The following CCDC33 variants were observed in gnomAD, a reference collection of about 807,000 sequenced individuals.
CCDC33 encodes coiled-coil domain-containing protein 33.
CCDC33 carries 94 observed loss-of-function variants against 91.9 expected under a neutral mutation model. The observed-to-expected ratio is 1.02, with a 90% CI of 0.87 to 1.21. The LOEUF is 1.21. CCDC33 is among the 50% of genes most tolerant of loss of function. The pLI is 0.00. For synonymous variants in CCDC33, 396 were observed against 374.5 expected (o/e 1.06, Z -0.66); for missense variants, 940 against 935.5 (o/e 1.00, Z -0.06).
chr15:74,204,267 A>G (rs984602664), intron 1 of CCDC33, among the ~76,000 whole-genome samples: 2 of 152,164 alleles, frequency 1.3e-5, no homozygotes, highest in African/African-American at 2.4e-5. Context: ...GCGGGACTCT[A>G]TCCCTCCCAC....
intron 1 of CCDC33, among the ~76,000 whole-genome samples, chr15:74,203,436 G>A (rs2074173626): frequency 6.6e-6 from 1 of 152,204 alleles, no homozygotes; most frequent in South Asian, 2.1e-4. Flanking sequence ...CAGCCTGGAG[G>A]AAGGGGCGAG....
At position 74,226,496 on chromosome 15, in the gene CCDC33, A is replaced by G. The variant is rs193125793; in HGVS notation, c.675+7635A>G. On this transcript the variant is annotated intron_variant, in intron 2 of 2. Transcript: ENST00000635913. ...AGGGAGACAGTTGCACCCTGCCTCT[A>G]TGGTGGGGTGGGATTCCAGCAGAGA... Among the ~76,000 whole-genome samples the G allele has an allele frequency of 5.9e-5, 9 of 152,226 alleles. No homozygotes were observed. The East Asian group carries it at 1.3e-3, about 23-fold the overall frequency.
chr15:74,322,248 GA>G (rs1437815988), intron 11 of CCDC33, among the ~76,000 whole-genome samples: 3 of 152,182 alleles, frequency 2.0e-5, no homozygotes. Context: ...TGTGGGTCAG[GA>G]ACTCAGCCAC....
chr15:74,225,239 G>C (rs1043839274), intron 2 of CCDC33, among the ~76,000 whole-genome samples: 2 of 151,970 alleles, frequency 1.3e-5, no homozygotes, highest in Admixed American at 6.6e-5. Flanking sequence ...CCCAGCCCCA[G>C]TGAGCAGCTG....
In CCDC33 at chr15:74,218,935, G is replaced by C; in HGVS notation, c.675+74G>C. The C allele has an allele frequency of 1.7e-6, 2 of 1,187,636 alleles. No individual in the cohort carries two copies. Among genetic ancestry groups the C allele is most frequent in the Non-Finnish European group, 2.1e-6 (2 of 938,930 alleles). The allele number at this position is 1,187,636 out of a possible 1,614,324, so 73.6% of individuals were successfully genotyped here. A position where few individuals can be genotyped will look rare whatever the true frequency, so the allele number is the denominator to read the frequency against. On this transcript the variant is annotated intron_variant, in intron 2 of 2. Coordinates refer to the CCDC33 transcript ENST00000635913. This position sits in a 1 kb window ranked among gnomAD's most constrained non-coding sequence, Gnocchi z 4.8. The stretch of plus-strand genomic sequence containing the variant: ...AGACCCAGCCTCCGTGATAAGCCAG[G>C]CTACCCCCTGTCCTGAGCTGAGCTG...
intron 11 of CCDC33, among the ~76,000 whole-genome samples, chr15:74,318,375 C>T (rs1312914353): frequency 6.6e-6 from 1 of 152,102 alleles, no homozygotes; most frequent in African/African-American, 2.4e-5. Context: ...CCCTCCCCGG[C>T]CCTGCTGTCT....
rs1364611940 is a variant in CCDC33 at position 74,256,431 on chromosome 15, C to T, written c.186-6009C>T. ...CTGCGTACGGGAGAAAGGGGGTACT[C>T]GAAAGAGTGGCTGTTCAGAGTGACC... On this transcript the variant is annotated intron_variant, in intron 2 of 18. Coordinates refer to ENST00000398814, the MANE Select transcript of CCDC33 (RefSeq NM_025055.5). 4.6e-5 allele frequency among the ~76,000 whole-genome samples: 7 copies of T among 150,708 alleles called. No homozygotes were observed. In the South Asian group the frequency reaches 1.5e-3, roughly 32 times the overall value.
intron 2 of CCDC33, among the ~76,000 whole-genome samples, chr15:74,220,832 A>G (rs1320838483): frequency 6.6e-6 from 1 of 152,216 alleles, no homozygotes; most frequent in Non-Finnish European, 1.5e-5. Context: ...AAGGGAGCAG[A>G]CAATGAAGAC....
chr15:74,213,862 G>A (rs893986879), upstream of CCDC33, among the ~76,000 whole-genome samples: 4 of 152,176 alleles, frequency 2.6e-5, no homozygotes, highest in Middle Eastern at 3.2e-3. Flanking sequence ...AGTGATGATC[G>A]CATGATCACC....
chr15:74,325,846 C>A (rs1218236491), intron 11 of CCDC33, among the ~76,000 whole-genome samples: 1 of 152,102 alleles, frequency 6.6e-6, no homozygotes, highest in Non-Finnish European at 1.5e-5. Context: ...CAAGGCCCTG[C>A]AGGTACCTTA....
upstream of CCDC33, chr15:74,213,134 T>A (rs1386862256): frequency 6.6e-6 from 1 of 151,940 alleles, no homozygotes; most frequent in Non-Finnish European, 1.5e-5. Flanking sequence ...GAGAATCGCT[T>A]CAACCTGGAA....
chr15:74,248,196 A>G (rs1241051868), intron 2 of CCDC33, among the ~76,000 whole-genome samples: 2 of 152,134 alleles, frequency 1.3e-5, no homozygotes, highest in Non-Finnish European at 2.9e-5. Context: ...CTTGATCATG[A>G]TGATCACTGC....
intron 2 of CCDC33, among the ~76,000 whole-genome samples, chr15:74,258,840 G>A (rs569278541): frequency 1.3e-5 from 2 of 152,270 alleles, no homozygotes; most frequent in East Asian, 3.9e-4. Context: ...TGACCTTGCA[G>A]AAGGAAAGCA....
intron 1 of CCDC33, among the ~76,000 whole-genome samples, chr15:74,209,194 C>A (rs188340576): frequency 1.2e-4 from 18 of 152,282 alleles, no homozygotes; most frequent in African/African-American, 4.1e-4. Context: ...ACACACAGGG[C>A]GGCTTGTCTC....
intron 5 of CCDC33, among the ~76,000 whole-genome samples, chr15:74,268,699 T>C (rs1438523280): frequency 6.6e-6 from 1 of 152,200 alleles, no homozygotes; most frequent in African/African-American, 2.4e-5. Context: ...CTCTCTGTCT[T>C]GGAGGTGGCG....
chr15:74,220,612 G>A (rs1290901997), intron 2 of CCDC33, among the ~76,000 whole-genome samples: 2 of 152,192 alleles, frequency 1.3e-5, no homozygotes, highest in Admixed American at 6.5e-5. Flanking sequence ...AGGGGAAAGG[G>A]GACTGGCGAG....
chr15:74,288,703 C>A (rs1355893143), intron 10 of CCDC33, among the ~76,000 whole-genome samples: 1 of 152,106 alleles, frequency 6.6e-6, no homozygotes, highest in Non-Finnish European at 1.5e-5. Context: ...CATTCTGGAC[C>A]CTGATTTTAT....
At chr15:74,300,478 C>A (rs2059772201) in intron 11 of CCDC33, 1 of 152,244 alleles carries the variant, frequency 6.6e-6, no homozygotes, top group South Asian at 2.1e-4. Flanking sequence ...GCAGCAGGCG[C>A]CAGCGACATG....
chr15:74,281,884 C>T (rs372094989), intron 10 of CCDC33, 35 bp downstream of exon 10: 3 of 1,576,076 alleles, frequency 1.9e-6, no homozygotes, highest in Non-Finnish European at 2.6e-6. Flanking sequence ...TCAGGGCCAG[C>T]AGGCACATGT....
Sources: gnomAD v4.1 joint callset for allele counts (sites outside exome capture counted in the v4.1 genomes callset) on GRCh38, gnomAD v4.1.1 for gene constraint, Gnocchi (gnomAD v3.1) non-coding constraint, MANE v1.5 for transcripts, NCBI Gene and HGNC (gene_info 2026-07-23, HGNC 2026-07-21) for gene names.